Variants in FAT3 observed in about 807,000 individuals in gnomAD.
FAT3 encodes the protein protocadherin Fat 3.
FAT3 carries 95 observed loss-of-function variants against 310.2 expected under a neutral mutation model. The ratio of observed to expected loss-of-function variants is 0.31; its 90% CI spans 0.26 to 0.36. The LOEUF (loss-of-function observed/expected upper bound fraction) is 0.36. Ranked by LOEUF, FAT3 falls within the 10% of genes least tolerant of loss-of-function variation. FAT3 has a pLI of 1.00. For missense variants in FAT3, 5,408 were observed against 5,715.6 expected, an observed-to-expected ratio of 0.95 and a Z score of 1.74; for synonymous variants, 2,314 against 2,192.9, an observed-to-expected ratio of 1.06 and a Z score of -1.54.
intron 2 of FAT3, among the ~76,000 whole-genome samples, chr11:92,473,936 A>G (rs532398573): frequency 6.6e-6 from 1 of 152,316 alleles, no homozygotes; most frequent in East Asian, 1.9e-4. Context: ...CTGTCACTCA[A>G]GGCTCTTTGT....
At chr11:92,736,764 T>C (rs1259251561) in intron 4 of FAT3, among the ~76,000 whole-genome samples, 2 of 152,186 alleles carry the variant, frequency 1.3e-5, no homozygotes, top group Admixed American at 6.5e-5. Context: ...TCCTAGTATC[T>C]GGGCAATAAA....
chr11:92,244,080 T>A (rs1397724185), intron 1 of FAT3, among the ~76,000 whole-genome samples: 2 of 152,100 alleles, frequency 1.3e-5, no homozygotes, highest in African/African-American at 4.8e-5. Context: ...CTCTTTTTTG[T>A]GTGGGTATTT....
chr11:92,650,113 ATT>A (rs11357492), intron 3 of FAT3, among the ~76,000 whole-genome samples: 10 of 149,136 alleles, frequency 6.7e-5, no homozygotes, highest in East Asian at 6.0e-4. Flanking sequence ...TTGAAATGCC[ATT>A]TTTTTTTTGC....
intron 2 of FAT3, among the ~76,000 whole-genome samples, chr11:92,505,507 G>C (rs1381158097): frequency 6.6e-6 from 1 of 152,184 alleles, no homozygotes; most frequent in Non-Finnish European, 1.5e-5. Flanking sequence ...CTCTGCAGCA[G>C]AGCAAGGTTA....
intron 2 of FAT3, among the ~76,000 whole-genome samples, chr11:92,439,172 C>T (rs973619516): frequency 2.0e-5 from 3 of 152,184 alleles, no homozygotes; most frequent in Admixed American, 1.3e-4. Context: ...TTACAGGAAC[C>T]GTTGTTGCAC....
intron 1 of FAT3, among the ~76,000 whole-genome samples, chr11:92,299,635 A>G (rs186960926): frequency 1.8e-4 from 27 of 152,256 alleles, no homozygotes; most frequent in African/African-American, 5.8e-4. Flanking sequence ...ATATTTGACA[A>G]TCACAGCAGG....
rs550062010 is a variant in FAT3, at chr11:92,531,559, T to C, written c.3607+6611T>C. On this transcript the variant is annotated intron_variant, in intron 3 of 27. Transcript: ENST00000525166. ...GCAGAGGCAGCTCAGAGGTACTTCC[T>C]GGAACTACAGTTCATTCTGGGGGAA... is the stretch of plus-strand genomic sequence containing the variant. Among the ~76,000 whole-genome samples the C allele has an allele frequency of 1.0e-3, 156 of 152,266 alleles. 1 individual carries two copies. The highest frequency in any genetic ancestry group is 3.5e-3 in the African/African-American group (145 of 41,550).
At chr11:92,566,241 A>G (rs1404325995) in intron 3 of FAT3, among the ~76,000 whole-genome samples, 1 of 152,208 alleles carries the variant, frequency 6.6e-6, no homozygotes, top group African/African-American at 2.4e-5. Context: ...ATACACCAAT[A>G]ACAGACAAAC....
chr11:92,529,747 T>G (rs1954003954), intron 3 of FAT3, among the ~76,000 whole-genome samples: 1 of 152,222 alleles, frequency 6.6e-6, no homozygotes, highest in Non-Finnish European at 1.5e-5. Flanking sequence ...GATCTTTCAA[T>G]GGTTCACTGT....
intron 1 of FAT3, among the ~76,000 whole-genome samples, chr11:92,334,612 T>G (rs1045690529): frequency 3.3e-5 from 5 of 152,106 alleles, no homozygotes; most frequent in African/African-American, 1.2e-4. Flanking sequence ...CAGAAAATAC[T>G]GTCAACAAAG....
chr11:92,805,667 A>G (rs1332095892), intron 11 of FAT3, among the ~76,000 whole-genome samples: 1 of 152,176 alleles, frequency 6.6e-6, no homozygotes, highest in African/African-American at 2.4e-5. Context: ...CTGATATCAT[A>G]AAAGAGAAAT....
At chr11:92,307,737 A>G (rs1163300996) in intron 1 of FAT3, among the ~76,000 whole-genome samples, 1 of 152,182 alleles carries the variant, frequency 6.6e-6, no homozygotes, top group Non-Finnish European at 1.5e-5. Context: ...CAAGCCAAGG[A>G]GCATGAAATT....
intron 1 of FAT3, among the ~76,000 whole-genome samples, chr11:92,299,699 A>G (rs1054694219): frequency 6.6e-6 from 1 of 152,162 alleles, no homozygotes; most frequent in African/African-American, 2.4e-5. Flanking sequence ...TCATATCTTA[A>G]AAAGCACTGT....
intron 4 of FAT3, among the ~76,000 whole-genome samples, chr11:92,699,399 A>G (rs1249575429): frequency 6.6e-6 from 1 of 152,244 alleles, no homozygotes; most frequent in Non-Finnish European, 1.5e-5. Context: ...AAGATGATAG[A>G]TAACCTAAGT....
intron 2 of FAT3, among the ~76,000 whole-genome samples, chr11:92,398,740 C>G (rs1162997966): frequency 1.3e-5 from 2 of 152,058 alleles, no homozygotes; most frequent in Non-Finnish European, 2.9e-5. Context: ...TTAAATAATG[C>G]CTTCATGTTC....
At position 92,229,504 on chromosome 11, in the gene FAT3, TTTGTTTTTTG is replaced by T. The variant is rs1393085140; in HGVS notation, c.-18+4333_-18+4342del. 2.1e-3 allele frequency among the ~76,000 whole-genome samples: 148 copies of T among 68,946 alleles called. 10 individuals carry two copies. The highest frequency in any genetic ancestry group is 0.016 in the East Asian group (32 of 1,956). 45.2% of individuals were successfully genotyped at this position (68,946 alleles called of 152,430 possible). On this transcript the variant is annotated intron_variant, in intron 1 of 27. Transcript: ENST00000525166. ...TTTGTTTTTTCGTGTTTTTTTTTTTTTTGTTTTTTGTTTTTTTTTACATTGCCTCCCTTTC... is the reference window on the plus strand; with the variant it reads ...TTTGTTTTTTCGTGTTTTTTTTTTTTTTTTTTTTTACATTGCCTCCCTTTC...
chr11:92,463,406 A>G lies in FAT3; in HGVS notation c.3293-61228A>G, dbSNP rs996009907. 1.2e-4 allele frequency among the ~76,000 whole-genome samples: 18 copies of G among 152,328 alleles called. 1 individual carries two copies. The highest frequency in any genetic ancestry group is 6.8e-3 in the Middle Eastern group (2 of 294). On this transcript the variant is annotated intron_variant, in intron 2 of 27. Transcript: ENST00000525166. ...ACAAATTCCAGGTCTGCCAGCTGAC[A>G]GCGTCTGTAACCCTGGGAAACATCC...
chr11:92,759,652 C>T (rs187175252), intron 4 of FAT3, among the ~76,000 whole-genome samples: 87 of 152,238 alleles, frequency 5.7e-4, no homozygotes, highest in Admixed American at 2.0e-3. Flanking sequence ...ACCCGCTATG[C>T]GTAGCACTCC....
At chr11:92,454,411 A>T (rs1565329327) in intron 2 of FAT3, among the ~76,000 whole-genome samples, 1 of 152,198 alleles carries the variant, frequency 6.6e-6, no homozygotes, top group Non-Finnish European at 1.5e-5. Flanking sequence ...TCCCAACAAC[A>T]TCATCTGGAA....
Sources: allele counts gnomAD v4.1 joint callset (sites outside exome capture counted in the v4.1 genomes callset), GRCh38; gene constraint gnomAD v4.1.1; transcripts MANE v1.5; gene names NCBI Gene and HGNC (gene_info 2026-07-23, HGNC 2026-07-21).